The following MNAT1 variants were observed in gnomAD, a reference collection of about 807,000 sequenced individuals.
The protein encoded by MNAT1 is MNAT1 component of CDK activating kinase, also known as CDK-activating kinase assembly factor MAT1.
MNAT1 carries 43 observed loss-of-function variants against 42.0 expected under a neutral mutation model. The ratio of observed to expected loss-of-function variants is 1.02; its 90% CI spans 0.80 to 1.32. MNAT1 has a LOEUF of 1.32. Among genes scored for constraint, MNAT1 ranks in the 40% most tolerant of loss-of-function variants. The probability of loss-of-function intolerance (pLI) is 0.00; values close to 1 mark genes in which losing one functional copy is unlikely to be tolerated. For missense variants in MNAT1, 306 were observed against 350.4 expected (o/e 0.87, Z 1.01); for synonymous variants, 118 against 120.0 (o/e 0.98, Z 0.11).
At chr14:60,845,968 T>C (rs891371769) in intron 6 of MNAT1, among the ~76,000 whole-genome samples, 14 of 152,088 alleles carry the variant, frequency 9.2e-5, no homozygotes, top group African/African-American at 3.4e-4. Flanking sequence ...TTTCTTGAAA[T>C]ATTTGATGGA....
chr14:60,913,523 G>GT (rs1394173551), intron 7 of MNAT1, among the ~76,000 whole-genome samples: 1 of 152,146 alleles, frequency 6.6e-6, no homozygotes, highest in African/African-American at 2.4e-5. Context: ...TGGCCTTTCT[G>GT]TTTTTTAGTT....
At chr14:60,911,688 G>A (rs2035367412) in intron 7 of MNAT1, among the ~76,000 whole-genome samples, 1 of 152,210 alleles carries the variant, frequency 6.6e-6, no homozygotes, top group South Asian at 2.1e-4. Context: ...CTGAGAGACA[G>A]TTTGTTATAA....
intron 6 of MNAT1, among the ~76,000 whole-genome samples, chr14:60,826,875 A>C (rs988160455): frequency 6.6e-6 from 1 of 152,114 alleles, no homozygotes; most frequent in African/African-American, 2.4e-5. Context: ...AACAGACCTC[A>C]AAGTTTTTTT....
chr14:60,869,040 A>ATATATATATATATATTTTTT (rs1465360826), intron 6 of MNAT1, among the ~76,000 whole-genome samples: 12 of 113,024 alleles, frequency 1.1e-4, no homozygotes, highest in Non-Finnish European at 1.6e-4. Flanking sequence ...ATATATATAT[A>ATATATATATATATATTTTTT]TTTTTTTTTT....
intron 7 of MNAT1, among the ~76,000 whole-genome samples, chr14:60,915,103 C>G (rs1490907577): frequency 6.6e-6 from 1 of 152,072 alleles, no homozygotes; most frequent in African/African-American, 2.4e-5. Flanking sequence ...ATTGCTGTTC[C>G]TGGATTCTGC....
chr14:60,737,229 G>T (rs74675860), intron 1 of MNAT1, among the ~76,000 whole-genome samples: 1,990 of 152,156 alleles, frequency 0.013, 44 homozygotes, highest in African/African-American at 0.046. Context: ...GTTATTAAGT[G>T]AAAGGTAAAA....
At chr14:60,830,251 A>G (rs560465515) in intron 6 of MNAT1, among the ~76,000 whole-genome samples, 1 of 152,300 alleles carries the variant, frequency 6.6e-6, no homozygotes, top group Non-Finnish European at 1.5e-5. Context: ...AGTTTATTCC[A>G]TAGTTTTCAG....
intron 1 of MNAT1, among the ~76,000 whole-genome samples, chr14:60,777,260 A>C (rs970422380): frequency 1.3e-5 from 2 of 152,164 alleles, no homozygotes; most frequent in African/African-American, 4.8e-5. Context: ...CTCTTTGTAT[A>C]ATCCCATTAT....
chr14:60,934,149 A>G (rs1031105497), intron 7 of MNAT1, among the ~76,000 whole-genome samples: 1 of 152,208 alleles, frequency 6.6e-6, no homozygotes, highest in African/African-American at 2.4e-5. Context: ...AGATGCTGTT[A>G]CTGGGCAAGT....
chr14:60,829,766 T>G (rs990119243), intron 6 of MNAT1, among the ~76,000 whole-genome samples: 6 of 152,222 alleles, frequency 3.9e-5, no homozygotes, highest in African/African-American at 1.4e-4. Flanking sequence ...TAGCCTAGGA[T>G]GTAGAAATAA....
chr14:60,838,134 A>ATTTTTT (rs938759064), intron 6 of MNAT1, among the ~76,000 whole-genome samples: 1 of 146,152 alleles, frequency 6.8e-6, no homozygotes, highest in Admixed American at 6.8e-5. Context: ...GCTTTCATTG[A>ATTTTTT]TTTTTTTTTT....
chr14:60,952,068 A>C (rs2036394051), intron 7 of MNAT1, among the ~76,000 whole-genome samples: 1 of 152,174 alleles, frequency 6.6e-6, no homozygotes, highest in Admixed American at 6.5e-5. Context: ...ACAGAAGAGT[A>C]TTTTGTAGAT....
intron 5 of MNAT1, among the ~76,000 whole-genome samples, chr14:60,815,532 TTAAAG>T (rs2032686830): frequency 6.6e-6 from 1 of 152,178 alleles, no homozygotes; most frequent in Non-Finnish European, 1.5e-5. Context: ...CTTTTAGTCT[TTAAAG>T]TACTGTTTTG....
chr14:60,760,146 CA>C (rs2030534748), intron 1 of MNAT1, among the ~76,000 whole-genome samples: 1 of 151,914 alleles, frequency 6.6e-6, no homozygotes, highest in African/African-American at 2.4e-5. Context: ...ATGATATGGT[CA>C]TATTATTTGA....
intron 1 of MNAT1, among the ~76,000 whole-genome samples, chr14:60,779,209 T>A (rs1048270375): frequency 2.0e-5 from 3 of 152,212 alleles, no homozygotes; most frequent in African/African-American, 7.2e-5. Flanking sequence ...TCCGCTGATA[T>A]GTCTCATGGT....
intron 1 of MNAT1, among the ~76,000 whole-genome samples, chr14:60,777,416 C>T (rs2031292084): frequency 6.6e-6 from 1 of 151,978 alleles, no homozygotes; most frequent in East Asian, 1.9e-4. Context: ...AAGACCTCGT[C>T]TTTACTTGTA....
At chr14:60,738,684 C>G (rs923274252) in intron 1 of MNAT1, among the ~76,000 whole-genome samples, 3 of 152,012 alleles carry the variant, frequency 2.0e-5, no homozygotes, top group African/African-American at 4.8e-5. Context: ...TACAGACATG[C>G]GCCACTACCT....
intron 6 of MNAT1, among the ~76,000 whole-genome samples, chr14:60,875,997 C>G (rs1296003200): frequency 6.6e-6 from 1 of 152,044 alleles, no homozygotes; most frequent in Non-Finnish European, 1.5e-5. Flanking sequence ...CTCACTTACC[C>G]TCCTCTCTTT....
chr14:60,765,188 T>G (rs1001775881), intron 1 of MNAT1, among the ~76,000 whole-genome samples: 4 of 152,030 alleles, frequency 2.6e-5, no homozygotes, highest in African/African-American at 9.7e-5. Context: ...GAGGCGGAGG[T>G]TGCAGTGAGC....
Sources: gnomAD v4.1 joint callset for allele counts (sites outside exome capture counted in the v4.1 genomes callset) on GRCh38, gnomAD v4.1.1 for gene constraint, MANE v1.5 for transcripts, NCBI Gene and HGNC (gene_info 2026-07-23, HGNC 2026-07-21) for gene names.